FSTL4: variants seen among roughly 807,000 people sequenced by gnomAD.
FSTL4 encodes follistatin like 4.
In FSTL4, 28 loss-of-function variants were observed where a neutral mutation model predicts 78.2. That is an observed-to-expected ratio of 0.36 (90% CI 0.27 to 0.49). The LOEUF (loss-of-function observed/expected upper bound fraction) is 0.49, where lower values mean the gene tolerates loss of function less well. FSTL4 is among the 20% of genes least tolerant of loss of function. FSTL4 has a pLI of 0.98. For synonymous variants in FSTL4, 422 were observed against 440.5 expected (o/e 0.96, Z 0.53); for missense variants, 922 against 1,084.9 (o/e 0.85, Z 2.11).
intron 4 of FSTL4, among the ~76,000 whole-genome samples, chr5:133,322,791 T>C (rs1234833380): frequency 6.6e-6 from 1 of 152,226 alleles, no homozygotes; most frequent in Non-Finnish European, 1.5e-5. Context: ...AGGCTGAAGC[T>C]GCAGGTGCCT....
At chr5:133,725,582 C>A in the FSTL4 span, among the ~76,000 whole-genome samples, 1 of 152,156 alleles carries the variant, frequency 6.6e-6, no homozygotes, top group Admixed American at 6.5e-5. Flanking sequence ...ATCTTCTCAC[C>A]TCTGGGTGAG....
intron 4 of FSTL4, among the ~76,000 whole-genome samples, chr5:133,386,703 G>T (rs910806012): frequency 6.6e-6 from 1 of 152,164 alleles, no homozygotes; most frequent in African/African-American, 2.4e-5. Context: ...GGGCAGAGGT[G>T]GGGACACTGG....
chr5:133,511,621 T>A (rs924914453), intron 3 of FSTL4, among the ~76,000 whole-genome samples: 2 of 152,132 alleles, frequency 1.3e-5, no homozygotes, highest in African/African-American at 4.8e-5. Flanking sequence ...CAGAACTTTT[T>A]GAAAATTTAC....
chr5:133,421,511 T>C lies in FSTL4; in HGVS notation c.161-20525A>G, dbSNP rs1009166993. Among the ~76,000 whole-genome samples, 42 of 152,260 alleles carry C rather than the reference T, an allele frequency of 2.8e-4. No homozygotes were observed. The East Asian group carries it at 7.5e-3, about 27-fold the overall frequency. ...CAGCTGAGCATATGGGATAAGAGTT[T>C]CCCCATTCGCTGAGCTCTTCGCTTG... On this transcript the variant is annotated intron_variant, in intron 3 of 15. Coordinates refer to ENST00000265342, the MANE Select transcript of FSTL4 (RefSeq NM_015082.2).
At chr5:133,352,490 A>T (rs1754853437) in intron 4 of FSTL4, among the ~76,000 whole-genome samples, 2 of 151,794 alleles carry the variant, frequency 1.3e-5, no homozygotes, top group Admixed American at 6.6e-5. Flanking sequence ...GCTCACAGCA[A>T]CCTCAACCTC....
At chr5:133,383,802 G>A (rs531561106) in intron 4 of FSTL4, among the ~76,000 whole-genome samples, 7 of 152,272 alleles carry the variant, frequency 4.6e-5, no homozygotes, top group African/African-American at 1.7e-4. Context: ...GCTGGTCGAG[G>A]CGTGCATTTC....
chr5:133,558,737 G>A (rs1759851228), intron 3 of FSTL4, among the ~76,000 whole-genome samples: 1 of 152,176 alleles, frequency 6.6e-6, no homozygotes, highest in African/African-American at 2.4e-5. Context: ...GACCAGTGGG[G>A]TGCGTTAGAA....
the FSTL4 span, among the ~76,000 whole-genome samples, chr5:133,833,126 T>C: frequency 2.6e-5 from 4 of 152,356 alleles, no homozygotes; most frequent in Admixed American, 1.3e-4. Flanking sequence ...GAGACAGCTC[T>C]GTCATCGGTC....
At chr5:133,435,037 T>G (rs1444637941) in intron 3 of FSTL4, among the ~76,000 whole-genome samples, 1 of 152,178 alleles carries the variant, frequency 6.6e-6, no homozygotes, top group Non-Finnish European at 1.5e-5. Context: ...TCCAACTATT[T>G]TTCCCCAGTT....
At chr5:133,798,543 G>T in the FSTL4 span, among the ~76,000 whole-genome samples, 1 of 151,084 alleles carries the variant, frequency 6.6e-6, no homozygotes, top group Non-Finnish European at 1.5e-5. Flanking sequence ...ACACCAAACT[G>T]CATTTAACTA....
the FSTL4 span, among the ~76,000 whole-genome samples, chr5:133,714,243 C>T: frequency 6.6e-6 from 1 of 152,188 alleles, no homozygotes; most frequent in African/African-American, 2.4e-5. Flanking sequence ...CAACATGGCC[C>T]CCCGTCTCTG....
the FSTL4 span, among the ~76,000 whole-genome samples, chr5:133,718,292 G>C: frequency 1.9e-4 from 29 of 152,042 alleles, no homozygotes; most frequent in African/African-American, 6.8e-4. Flanking sequence ...TGTTGGCCAG[G>C]GTGGTCTCAA....
chr5:133,816,088 T>C, the FSTL4 span, among the ~76,000 whole-genome samples: 1 of 152,096 alleles, frequency 6.6e-6, no homozygotes, highest in Non-Finnish European at 1.5e-5. Flanking sequence ...ACAAGTAGGA[T>C]CTTCATTCAT....
intron 3 of FSTL4, among the ~76,000 whole-genome samples, chr5:133,432,742 G>A (rs1420742109): frequency 6.6e-6 from 1 of 152,120 alleles, no homozygotes; most frequent in Non-Finnish European, 1.5e-5. Flanking sequence ...TAGGATGCTG[G>A]GTGGGTGGGT....
chr5:133,221,040 G>T, intron 11 of FSTL4, 174 bp from the exon 12 acceptor site: 1 of 698,038 alleles, frequency 1.4e-6, no homozygotes, highest in Non-Finnish European at 2.6e-6. Flanking sequence ...AGCTGGATGG[G>T]TGCAGAGAGG....
At position 133,505,582 on chromosome 5, in the gene FSTL4, T is replaced by C. The variant is rs552093917; in HGVS notation, c.160+61604A>G. ...CTTAATCAAAGCCCAGGAGATATTC[T>C]GAGCCATTAGACAGGATTTTTATTT... On this transcript the variant is annotated intron_variant, in intron 3 of 15. Transcript: ENST00000265342. Among the ~76,000 whole-genome samples the C allele has an allele frequency of 5.9e-5, 9 of 152,382 alleles. No homozygotes were observed. The East Asian group carries it at 1.5e-3, about 26-fold the overall frequency.
the FSTL4 span, among the ~76,000 whole-genome samples, chr5:133,709,826 T>C: frequency 6.6e-6 from 1 of 152,210 alleles, no homozygotes; most frequent in Admixed American, 6.5e-5. Flanking sequence ...TGAGGATAGA[T>C]CTCACTTTTA....
At chr5:133,613,949 C>T (rs1761157170), upstream of FSTL4, among the ~76,000 whole-genome samples, 1 of 152,186 alleles carries the variant, frequency 6.6e-6, no homozygotes, top group Admixed American at 6.5e-5. Flanking sequence ...CTGGGGCTGG[C>T]TAGGGGCCAG....
chr5:133,292,773 C>G (rs1753296918), intron 6 of FSTL4, among the ~76,000 whole-genome samples: 2 of 151,716 alleles, frequency 1.3e-5, no homozygotes, highest in African/African-American at 4.8e-5. Context: ...AAAAAAAGCC[C>G]ACTGACTCTT....
Sources: gnomAD v4.1 joint callset for allele counts (sites outside exome capture counted in the v4.1 genomes callset) on GRCh38, gnomAD v4.1.1 for gene constraint, MANE v1.5 for transcripts, NCBI Gene and HGNC (gene_info 2026-07-23, HGNC 2026-07-21) for gene names.